The following MOV10L1 variants were observed in gnomAD, a reference collection of about 807,000 sequenced individuals.
MOV10L1 encodes the protein Mov10 like RNA helicase 1.
In MOV10L1, 110 loss-of-function variants were observed where a neutral mutation model predicts 143.8. That is an observed-to-expected ratio of 0.76 (90% CI 0.66 to 0.90). MOV10L1 has a LOEUF of 0.90. Ranked by LOEUF, MOV10L1 falls within the 40% of genes least tolerant of loss-of-function variation. The pLI, the probability that MOV10L1 is intolerant of heterozygous loss-of-function variation, is 0.00. For missense variants in MOV10L1, 1,406 were observed against 1,526.8 expected (o/e 0.92, Z 1.32); for synonymous variants, 593 against 581.1 (o/e 1.02, Z -0.29).
chr22:50,139,881 G>A (rs978814726), intron 15 of MOV10L1, among the ~76,000 whole-genome samples: 2 of 152,218 alleles, frequency 1.3e-5, no homozygotes, highest in African/African-American at 4.8e-5. Context: ...AGCCCGTGGG[G>A]CCGCTGGCAC....
At chr22:50,095,262 G>A (rs1242936058) in intron 2 of MOV10L1, 1 of 152,124 alleles carries the variant, frequency 6.6e-6, no homozygotes, top group East Asian at 1.9e-4. Context: ...TACCTTATCT[G>A]GTAGATAGTT....
Position 50,114,573 on chromosome 22 carries a change from C to G in MOV10L1, c.1077C>G (p.Thr359=). ...NSLNSHTKNK[T]SQMSESSLVN... is the part of the protein sequence containing the mutation. ...TAAATAGCCACACAAAAAACAAAAC[C>G]TCTCAGATGTCGGAGAGCAGTTTGG... The change falls in exon 7 of 27, where the codon ACC becomes ACG. Residue 359 remains threonine (T), a synonymous_variant. Transcript: ENST00000262794. The G allele has an allele frequency of 4.3e-6, 7 of 1,614,140 alleles. No individual in the cohort carries two copies. Among genetic ancestry groups the G allele is most frequent in the Non-Finnish European group, 5.9e-6 (7 of 1,180,026 alleles).
chr22:50,145,763 C>T lies in MOV10L1; in HGVS notation c.2580C>T (p.Ile860=), dbSNP rs1029537908. 1 of 1,614,040 alleles carries T rather than the reference C, an allele frequency of 6.2e-7. No homozygotes were observed. The highest frequency in any genetic ancestry group is 1.3e-5 in the African/African-American group (1 of 74,944). ...DIWKASRFRI[I]ITTCSSSGLF... is the part of the protein sequence containing the mutation. ...GGAAAGCCTCACGCTTCCGGATAAT[C>T]ATCACCACATGCAGCAGCTCAGGGC... is the stretch of plus-strand genomic sequence containing the variant. Residue 860 remains isoleucine (I), a synonymous_variant, in exon 19 of 27, where the codon ATC becomes ATT. Transcript: ENST00000262794.
chr22:50,123,952 CTT>C (rs1305071447), intron 10 of MOV10L1, among the ~76,000 whole-genome samples: 1 of 152,070 alleles, frequency 6.6e-6, no homozygotes, highest in Admixed American at 6.6e-5. Flanking sequence ...TCTTATAATC[CTT>C]TTTATTTCCG....
At chr22:50,119,293 T>C (rs1220209462) in intron 9 of MOV10L1, among the ~76,000 whole-genome samples, 1 of 152,178 alleles carries the variant, frequency 6.6e-6, no homozygotes, top group African/African-American at 2.4e-5. Context: ...CGAGCACACC[T>C]GGAGCACCAG....
Position 50,115,193 on chromosome 22 carries a change from G to C in MOV10L1, c.1206G>C (p.Gly402=), listed in dbSNP as rs1352157612. The C allele has an allele frequency of 1.9e-6, 3 of 1,557,714 alleles. No individual in the cohort carries two copies. Among genetic ancestry groups the C allele is most frequent in the Non-Finnish European group, 2.6e-6 (3 of 1,160,768 alleles). Residue 402 remains glycine, a synonymous_variant, in exon 8 of 27, where the codon GGG becomes GGC. Transcript: ENST00000262794. ...AGCAGATGACAGAGCCTGAGCCTGG[G>C]GGGCTTGTCCCTCCAGGGGGAAAAA... is the stretch of plus-strand genomic sequence containing the variant. The part of the protein sequence containing the change: ...SRKQMTEPEP[G]GLVPPGGKTF...
chr22:50,158,232 T>C lies in MOV10L1; in HGVS notation c.3216+26T>C, dbSNP rs1267333418. On this transcript the variant is annotated intron_variant, in intron 23 of 26. Transcript: ENST00000262794. This position sits in a 1 kb window ranked among gnomAD's most constrained non-coding sequence, Gnocchi z 5.0. ...GTACGCCCTGCCCAGGCACGCCTGG[T>C]TCTGTGAGGTCCCTGCAGCCCTGCT... 2 of 1,613,552 alleles carry C rather than the reference T, an allele frequency of 1.2e-6. No homozygotes were observed. The highest frequency in any genetic ancestry group is 1.7e-6 in the Non-Finnish European group (2 of 1,179,838).
chr22:50,120,488 C>T lies in MOV10L1; in HGVS notation c.1455-14C>T. ...TAAAGACTTATTTTTAACTTGTGAA[C>T]TTAATTTTTTAAGGAACTCAAGACG... On this transcript the variant is annotated splice_polypyrimidine_tract_variant and intron_variant, in intron 9 of 26. Coordinates refer to ENST00000262794, the MANE Select transcript of MOV10L1 (RefSeq NM_018995.3). 1.3e-6 allele frequency: 2 copies of T among 1,531,894 alleles called. No homozygotes were observed. The highest frequency in any genetic ancestry group is 1.8e-6 in the Non-Finnish European group (2 of 1,108,512). 94.9% of individuals were successfully genotyped at this position (1,531,894 alleles called of 1,614,324 possible).
intron 5 of MOV10L1, among the ~76,000 whole-genome samples, chr22:50,110,231 C>CA (rs1449160633): frequency 6.6e-6 from 1 of 152,020 alleles, no homozygotes; most frequent in Non-Finnish European, 1.5e-5. Flanking sequence ...GGGTGGATCA[C>CA]AAGGTCGGGA....
At chr22:50,143,353 A>G in intron 17 of MOV10L1, 132 bp downstream of exon 17, 1 of 1,040,244 alleles carries the variant, frequency 9.6e-7, no homozygotes, top group Non-Finnish European at 1.5e-6. Flanking sequence ...CAGTTATTTC[A>G]TAATGTTAAG....
chr22:50,144,730 C>T (rs1162626209), intron 18 of MOV10L1, among the ~76,000 whole-genome samples: 9 of 151,270 alleles, frequency 5.9e-5, no homozygotes, highest in East Asian at 3.9e-4. Flanking sequence ...TACAGGCACC[C>T]GCCACTGCGC....
chr22:50,146,886 T>C, intron 19 of MOV10L1: 1 of 599,242 alleles, frequency 1.7e-6, no homozygotes, highest in Non-Finnish European at 3.0e-6. Flanking sequence ...ACATTTTTTT[T>C]GGTTCAAGTC....
Position 50,161,425 on chromosome 22 carries a change from A to C in MOV10L1, c.3612A>C (p.Pro1204=). Residue 1204 remains proline (P), a synonymous_variant, in exon 27 of 27, where the codon CCA becomes CCC. Coordinates refer to ENST00000262794, the MANE Select transcript of MOV10L1 (RefSeq NM_018995.3). ...CAGTGGTGCCAGAATCCACAGGACC[A>C]GAGAAGCATCAGGAGCCCAGCTGAT... ...SYPVVPESTG[P]EKHQEPS 1.9e-6 allele frequency: 3 copies of C among 1,598,998 alleles called. No homozygotes were observed. Among genetic ancestry groups the C allele is most frequent in the Non-Finnish European group, 2.6e-6 (3 of 1,172,908 alleles).
intron 13 of MOV10L1, 31 bp downstream of exon 13, chr22:50,128,538 G>GTT (rs780405273): frequency 3.4e-6 from 2 of 596,938 alleles, no homozygotes; most frequent in African/African-American, 2.3e-5. Flanking sequence ...TCTTTCAAAT[G>GTT]TCTTTTTTTT....
In MOV10L1 at chr22:50,159,703, G is replaced by C. The variant is rs139398528; in HGVS notation, c.3242G>C (p.Arg1081Pro). Residue 1081 changes from arginine to proline, a missense_variant, in exon 24 of 27, where the codon CGT becomes CCT. Coordinates refer to ENST00000262794, the MANE Select transcript of MOV10L1 (RefSeq NM_018995.3). The surrounding 1 kb of genome is among the most constrained non-coding windows in gnomAD (Gnocchi z 4.1). ...KQVEKIRILL[R>P]NVDLMDIKVG... ...GTGGAGAAAATCAGAATTCTTTTGC[G>C]TAATGTTGATCTGATGGATATAAAG... 1 of 1,611,960 alleles carries C rather than the reference G, an allele frequency of 6.2e-7. No individual in the cohort carries two copies.
chr22:50,102,053 G>A (rs899362898), intron 3 of MOV10L1, among the ~76,000 whole-genome samples: 2 of 152,136 alleles, frequency 1.3e-5, no homozygotes, highest in Admixed American at 6.5e-5. Flanking sequence ...AGAAGAGAAG[G>A]TGTCCCCTGA....
chr22:50,141,184 G>C (rs1362897731), intron 15 of MOV10L1, among the ~76,000 whole-genome samples: 1 of 152,062 alleles, frequency 6.6e-6, no homozygotes, highest in Non-Finnish European at 1.5e-5. Flanking sequence ...CCGAGTAGCT[G>C]GTGGCACCAC....
intron 13 of MOV10L1, among the ~76,000 whole-genome samples, chr22:50,132,546 T>C (rs536547481): frequency 6.6e-6 from 1 of 152,254 alleles, no homozygotes; most frequent in Non-Finnish European, 1.5e-5. Context: ...GTTATACCTA[T>C]TTAAAATTTT....
chr22:50,119,799 TTC>T (rs1321366143), intron 9 of MOV10L1, among the ~76,000 whole-genome samples: 1 of 151,774 alleles, frequency 6.6e-6, no homozygotes, highest in African/African-American at 2.4e-5. Context: ...CAATGTGGGC[TTC>T]TCTCTTGGGT....
Sources: gnomAD v4.1 joint callset for allele counts (sites outside exome capture counted in the v4.1 genomes callset) on GRCh38, gnomAD v4.1.1 for gene constraint, Gnocchi (gnomAD v3.1) non-coding constraint, MANE v1.5 for transcripts, NCBI Gene and HGNC (gene_info 2026-07-23, HGNC 2026-07-21) for gene names.